Variants in ANLN observed in about 807,000 individuals in gnomAD.
ANLN encodes the protein anillin, actin binding protein.
In ANLN, 59 loss-of-function variants were observed where a neutral mutation model predicts 135.1. The observed-to-expected ratio is 0.44, with a 90% CI of 0.35 to 0.54. The LOEUF is 0.54. Ranked by LOEUF, ANLN falls within the 20% of genes least tolerant of loss-of-function variation. The pLI is 0.00. For missense variants in ANLN, 1,182 were observed against 1,340.0 expected, an observed-to-expected ratio of 0.88 and a Z score of 1.84; for synonymous variants, 406 against 456.4, an observed-to-expected ratio of 0.89 and a Z score of 1.41.
chr7:36,409,924 G>A (rs1382765022), intron 5 of ANLN, among the ~76,000 whole-genome samples: 1 of 152,066 alleles, frequency 6.6e-6, no homozygotes, highest in Non-Finnish European at 1.5e-5. Flanking sequence ...CACCCGCCTC[G>A]GCCACCCAGA....
chr7:36,442,348 T>A (rs2116792334), intron 21 of ANLN, among the ~76,000 whole-genome samples: 1 of 152,226 alleles, frequency 6.6e-6, no homozygotes, highest in East Asian at 1.9e-4. Flanking sequence ...GGATCATCTG[T>A]ATCAGAGGGC....
chr7:36,451,755 T>C (rs375719264), intron 23 of ANLN, among the ~76,000 whole-genome samples: 20 of 152,202 alleles, frequency 1.3e-4, no homozygotes, highest in African/African-American at 3.6e-4. Flanking sequence ...GTAGAATGAG[T>C]GCAATATAAA....
chr7:36,410,927 G>T, intron 6 of ANLN, 132 bp from the exon 7 acceptor site: 1 of 923,396 alleles, frequency 1.1e-6, no homozygotes, highest in Middle Eastern at 2.2e-4. Flanking sequence ...TGTGTATTAT[G>T]AACTTTTTAA....
intron 21 of ANLN, among the ~76,000 whole-genome samples, chr7:36,441,258 G>A (rs1357200150): frequency 6.6e-6 from 1 of 152,026 alleles, no homozygotes; most frequent in Non-Finnish European, 1.5e-5. Context: ...TTTTTAGATG[G>A]GCTCTTAACG....
intron 8 of ANLN, among the ~76,000 whole-genome samples, chr7:36,416,212 G>T (rs1787635206): frequency 6.6e-6 from 1 of 151,982 alleles, no homozygotes; most frequent in South Asian, 2.1e-4. Context: ...GTAGAGATGG[G>T]GTTTCACCAT....
chr7:36,422,235 T>C (rs778326408), intron 13 of ANLN, among the ~76,000 whole-genome samples: 20 of 152,176 alleles, frequency 1.3e-4, no homozygotes, highest in Admixed American at 5.9e-4. Context: ...ATTGAATGAA[T>C]GAATGGATGA....
At chr7:36,391,084 T>G (rs12666341) in intron 1 of ANLN, among the ~76,000 whole-genome samples, 3,922 of 152,320 alleles carry the variant, frequency 0.026, 256 homozygotes, top group East Asian at 0.23. Context: ...GCAATTAGAG[T>G]TTACTTATAT....
At chr7:36,397,568 A>G (rs1213038539) in intron 2 of ANLN, among the ~76,000 whole-genome samples, 3 of 152,220 alleles carry the variant, frequency 2.0e-5, no homozygotes, top group Non-Finnish European at 4.4e-5. Context: ...AAATAGATCG[A>G]TAAGTGAGTT....
chr7:36,390,780 G>T (rs1000263842), intron 1 of ANLN, among the ~76,000 whole-genome samples: 19 of 152,162 alleles, frequency 1.2e-4, no homozygotes, highest in African/African-American at 4.6e-4. Context: ...ATTGCATATG[G>T]GTTACATGGT....
intron 20 of ANLN, among the ~76,000 whole-genome samples, chr7:36,429,335 C>A (rs1319680875): frequency 1.3e-5 from 2 of 152,096 alleles, no homozygotes; most frequent in East Asian, 1.9e-4. Context: ...ATTCTCATGC[C>A]TCAGCCTCCT....
At chr7:36,408,820 AT>A (rs1787296469) in intron 5 of ANLN, among the ~76,000 whole-genome samples, 1 of 152,196 alleles carries the variant, frequency 6.6e-6, no homozygotes, top group South Asian at 2.1e-4. Flanking sequence ...GAAATGCCAT[AT>A]TTATCTTGTG....
intron 8 of ANLN, 120 bp from the exon 9 acceptor site, chr7:36,416,960 G>C (rs779249919): frequency 7.0e-6 from 4 of 567,858 alleles, no homozygotes; most frequent in Admixed American, 3.7e-5. Flanking sequence ...TCTGGGTTTG[G>C]ATATTTTAAA....
intron 21 of ANLN, among the ~76,000 whole-genome samples, chr7:36,440,924 G>T (rs1788744639): frequency 6.6e-6 from 1 of 152,184 alleles, no homozygotes; most frequent in Non-Finnish European, 1.5e-5. Context: ...GTTTGTAACT[G>T]CTGTCAAAGG....
chr7:36,449,514 A>C, intron 22 of ANLN, 151 bp from the exon 23 acceptor site: 1 of 586,424 alleles, frequency 1.7e-6, no homozygotes, highest in Non-Finnish European at 2.8e-6. Flanking sequence ...AATAAATGTT[A>C]AATATGTTTC....
rs1409804936 is a variant in ANLN, at chr7:36,423,930, A to T, written c.2590A>T (p.Thr864Ser). 6.2e-7 allele frequency: 1 copy of T among 1,610,998 alleles called. No individual in the cohort carries two copies. The highest frequency in any genetic ancestry group is 2.2e-5 in the East Asian group (1 of 44,660). Residue 864 changes from threonine to serine, a missense_variant, in exon 15 of 24, where the codon ACT becomes TCT. Thr to Ser is a moderately conservative substitution (Grantham distance 58). This residue lies in a region of ANLN where 1,022 missense variants were observed against 1,134.0 expected (regional missense o/e 0.90). Coordinates refer to ENST00000265748, the MANE Select transcript of ANLN (RefSeq NM_018685.5). ...SLNGDALTFT[T>S]TFTLQDVSND... ...TAACGGTGATGCTCTGACATTCACT[A>T]CTACATTTACTCTGTAAGTAAATCA... is the stretch of plus-strand genomic sequence containing the variant.
In ANLN at chr7:36,422,654, T is replaced by C; in HGVS notation, c.2321T>C (p.Ile774Thr). 2.5e-6 allele frequency: 4 copies of C among 1,607,654 alleles called. No homozygotes were observed. The South Asian group carries it at 3.3e-5, about 13-fold the overall frequency. The change falls in exon 14 of 24, where the codon ATT (isoleucine) becomes ACT (threonine). Residue 774 changes from isoleucine to threonine, a missense_variant. Ile to Thr is a moderately conservative substitution (Grantham distance 89). Coordinates refer to ENST00000265748, the MANE Select transcript of ANLN (RefSeq NM_018685.5). ...ATAGCTGGGAAGAGAACACTTTTGA[T>C]TGATGAATTGAATAAATTGAAGAAC... The part of the protein sequence containing the change: ...LIATGKRTLL[I>T]DELNKLKNEG...
intron 21 of ANLN, among the ~76,000 whole-genome samples, chr7:36,441,527 A>G (rs1169348261): frequency 2.6e-5 from 4 of 152,196 alleles, no homozygotes; most frequent in Non-Finnish European, 5.9e-5. Context: ...CCAACCAAAG[A>G]GACAGGTAAG....
At chr7:36,397,163 AGAAAGC>A (rs1786741909) in intron 2 of ANLN, among the ~76,000 whole-genome samples, 1 of 89,524 alleles carries the variant, frequency 1.1e-5, no homozygotes, top group Non-Finnish European at 2.9e-5. Context: ...TTAAAAAAAA[AGAAAGC>A]AGAGAAGTGT....
At chr7:36,433,885 A>G (rs548001695) in intron 20 of ANLN, among the ~76,000 whole-genome samples, 31 of 151,572 alleles carry the variant, frequency 2.0e-4, no homozygotes, top group East Asian at 1.7e-3. Context: ...TATGGTTTCA[A>G]TTTCTCTGCT....
Sources: allele counts gnomAD v4.1 joint callset (sites outside exome capture counted in the v4.1 genomes callset), GRCh38; gene constraint gnomAD v4.1.1; regional missense constraint gnomAD v4.1.1; transcripts MANE v1.5; gene names NCBI Gene and HGNC (gene_info 2026-07-23, HGNC 2026-07-21).